The following TAX1BP3 variants were observed in gnomAD, a reference collection of about 807,000 sequenced individuals.
TAX1BP3 encodes the protein tax1-binding protein 3.
A neutral mutation model predicts 15.3 loss-of-function variants in TAX1BP3; 13 were observed. The observed-to-expected ratio is 0.85, with a 90% confidence interval of 0.55 to 1.35. The LOEUF is 1.35. Ranked by LOEUF, TAX1BP3 falls within the 40% of genes most tolerant of loss-of-function variation. The pLI is 0.00. For synonymous variants in TAX1BP3, 70 were observed against 66.0 expected, an observed-to-expected ratio of 1.06 and a Z score of -0.30; for missense variants, 147 against 169.6, an observed-to-expected ratio of 0.87 and a Z score of 0.74.
In TAX1BP3 at chr17:3,664,618, G is replaced by A. The variant is rs575161219; in HGVS notation, c.159+61C>T. 126 of 1,600,010 alleles carry A rather than the reference G, an allele frequency of 7.9e-5. 2 individuals are homozygous for A. In the African/African-American group the frequency reaches 1.6e-3, roughly 20 times the overall value. On this transcript the variant is annotated intron_variant, in intron 2 of 3. Transcript: ENST00000225525. ...CTTCCATGCAGGCCCAGGAAGCAGA[G>A]ACCCACCATCTCAGGCCCCTGTGCC...
chr17:3,664,613 G>A (rs760073790), intron 2 of TAX1BP3, 66 bp downstream of exon 2: 1 of 1,589,728 alleles, frequency 6.3e-7, no homozygotes, highest in East Asian at 2.2e-5. Context: ...GGCCCAGGAA[G>A]CAGAGACCCA....
chr17:3,664,778 C>G lies in TAX1BP3; in HGVS notation c.60G>C (p.Lys20Asn). Residue 20 changes from lysine to asparagine, a missense_variant, in exon 2 of 4, where the codon AAG becomes AAC. Coordinates refer to ENST00000225525, the MANE Select transcript of TAX1BP3 (RefSeq NM_014604.4). The part of the protein sequence containing the change: ...TAVVQRVEIH[K>N]LRQGENLILG... ...GGATTAAGTTCTCACCTTGACGCAG[C>G]TTGTGAATTTCAACTCTTTGCTGGC... 6.2e-7 allele frequency: 1 copy of G among 1,613,524 alleles called. No homozygotes were observed. Among genetic ancestry groups the G allele is most frequent in the Non-Finnish European group, 8.5e-7 (1 of 1,179,810 alleles).
At chr17:3,667,369 T>C (rs1350078979) in intron 1 of TAX1BP3, among the ~76,000 whole-genome samples, 2 of 144,590 alleles carry the variant, frequency 1.4e-5, no homozygotes, top group Non-Finnish European at 3.0e-5. Context: ...AAAGTCAAGC[T>C]GGTGCAGGGA....
At position 3,663,263 on chromosome 17, in the gene TAX1BP3, T is replaced by C. The variant is rs1006387024; in HGVS notation, c.*485A>G. 1 of 153,220 alleles carries C rather than the reference T, an allele frequency of 6.5e-6. No individual in the cohort carries two copies. Among genetic ancestry groups the C allele is most frequent in the African/African-American group, 2.4e-5 (1 of 41,610 alleles). 9.5% of individuals were successfully genotyped at this position (153,220 alleles called of 1,614,324 possible). Reference sequence around the variant, plus strand: ...CTGGCTTCATCTGGGCAAAGCTTCGTAGCGCCTCTGGCAGGATGTGTGTCC... The same window carrying C: ...CTGGCTTCATCTGGGCAAAGCTTCGCAGCGCCTCTGGCAGGATGTGTGTCC... On this transcript the variant is annotated 3_prime_UTR_variant, in exon 4 of 4. Coordinates refer to ENST00000225525, the MANE Select transcript of TAX1BP3 (RefSeq NM_014604.4).
chr17:3,666,024 G>A (rs2076337559), intron 1 of TAX1BP3, among the ~76,000 whole-genome samples: 1 of 152,222 alleles, frequency 6.6e-6, no homozygotes, highest in Non-Finnish European at 1.5e-5. Flanking sequence ...ATGCTCTGGG[G>A]CTATGGTCCC....
At chr17:3,665,908 C>G (rs1470021128) in intron 1 of TAX1BP3, among the ~76,000 whole-genome samples, 1 of 152,170 alleles carries the variant, frequency 6.6e-6, no homozygotes, top group African/African-American at 2.4e-5. Context: ...GGGCCAGATC[C>G]CGTCCTGGAA....
Sources: allele counts gnomAD v4.1 joint callset (sites outside exome capture counted in the v4.1 genomes callset), GRCh38; gene constraint gnomAD v4.1.1; transcripts MANE v1.5; gene names NCBI Gene and HGNC (gene_info 2026-07-23, HGNC 2026-07-21).